Variants in DAAM2 observed in about 807,000 individuals in gnomAD.
DAAM2 encodes disheveled-associated activator of morphogenesis 2.
Under a neutral mutation model 120.7 loss-of-function variants are expected in DAAM2, and 39 were observed. That is an observed-to-expected ratio of 0.32 (90% CI 0.25 to 0.42). The LOEUF is 0.42. Among genes scored for constraint, DAAM2 ranks in the 10% least tolerant of loss-of-function variants. The pLI is 1.00. For synonymous variants in DAAM2, 488 were observed against 524.9 expected, an observed-to-expected ratio of 0.93 and a Z score of 0.96; for missense variants, 1,283 against 1,401.7, an observed-to-expected ratio of 0.92 and a Z score of 1.35.
intron 1 of DAAM2, among the ~76,000 whole-genome samples, chr6:39,851,802 G>C (rs1181713581): frequency 6.6e-6 from 1 of 152,166 alleles, no homozygotes; most frequent in Non-Finnish European, 1.5e-5. Flanking sequence ...GTCCTTGGAG[G>C]TCTTTAGTCA....
intron 16 of DAAM2, 87 bp from the exon 17 acceptor site, chr6:39,888,592 G>T (rs1582744769): frequency 2.7e-6 from 3 of 1,112,278 alleles, no homozygotes; most frequent in East Asian, 4.8e-5. Flanking sequence ...CCCAAGTCCT[G>T]TTAGGGAATG....
chr6:39,889,059 G>C (rs1765539731), intron 17 of DAAM2: 2 of 222,320 alleles, frequency 9.0e-6, no homozygotes, highest in Non-Finnish European at 1.8e-5. Flanking sequence ...GGGAAACCTA[G>C]AAAACACACA....
At chr6:39,887,899 C>T (rs900059655) in intron 16 of DAAM2, 16 of 335,580 alleles carry the variant, frequency 4.8e-5, no homozygotes, top group Non-Finnish European at 7.4e-5. Flanking sequence ...AAGCATTTCC[C>T]GCGGCTGCAG....
Position 39,901,476 on chromosome 6 carries a change from AG to A in DAAM2, c.2982+8del, listed in dbSNP as rs1401746939. The stretch of plus-strand genomic sequence containing the variant: ...GCGGGCGCGCATGGAAGCCATGGTG[AG>A]GGGCAGTGCCAGGCCTGGGACTGAG... On this transcript the variant is annotated splice_donor_5th_base_variant and intron_variant, in intron 24 of 24. Transcript: ENST00000274867. The surrounding 1 kb of genome is among the most constrained non-coding windows in gnomAD (Gnocchi z 4.5). 3.7e-6 allele frequency: 6 copies of A among 1,603,192 alleles called. No individual in the cohort carries two copies. In the African/African-American group the frequency reaches 5.4e-5, roughly 14 times the overall value.
intron 1 of DAAM2, among the ~76,000 whole-genome samples, chr6:39,809,153 T>C (rs1762093773): frequency 6.6e-6 from 1 of 152,164 alleles, no homozygotes; most frequent in Admixed American, 6.5e-5. Flanking sequence ...CAAGGAGTGG[T>C]GTCGTCAGAG....
chr6:39,853,020 G>C (rs146048184), intron 1 of DAAM2, among the ~76,000 whole-genome samples: 17 of 152,318 alleles, frequency 1.1e-4, no homozygotes, highest in African/African-American at 3.8e-4. Context: ...CTATGGCTAT[G>C]GGGGAGCTGA....
Position 39,873,411 on chromosome 6 carries a change from A to G in DAAM2, c.1162+56A>G, listed in dbSNP as rs997712105. ...ACTGGCCTGAACCTTGACTTGGGGC[A>G]GGTTTAGACAAGACTTTGGGACCTC... On this transcript the variant is annotated intron_variant, in intron 10 of 24. Coordinates refer to ENST00000274867, the MANE Select transcript of DAAM2 (RefSeq NM_001201427.2). 4 of 1,262,714 alleles carry G rather than the reference A, an allele frequency of 3.2e-6. No homozygotes were observed. The African/African-American group carries it at 4.4e-5, about 14-fold the overall frequency. The allele number at this position is 1,262,714 out of a possible 1,614,324, so 78.2% of individuals were successfully genotyped here. A position where few individuals can be genotyped will look rare whatever the true frequency, so the allele number is the denominator to read the frequency against.
chr6:39,863,247 T>A (rs899454984), intron 3 of DAAM2, among the ~76,000 whole-genome samples: 13 of 152,116 alleles, frequency 8.5e-5, no homozygotes, highest in Admixed American at 8.5e-4. Flanking sequence ...TAGGAAAGGA[T>A]GTGTTTGCCG....
Position 39,888,672 on chromosome 6 carries a change from G to A in DAAM2, c.2061-7G>A. On this transcript the variant is annotated splice_region_variant and splice_polypyrimidine_tract_variant and intron_variant, in intron 16 of 24. Coordinates refer to ENST00000274867, the MANE Select transcript of DAAM2 (RefSeq NM_001201427.2). ...CTGTCCTGGATTGAGGTGGGGTTTT[G>A]CCTTAGGTTGAAGCTTTCTAACGAG... is the stretch of plus-strand genomic sequence containing the variant. 1 of 1,612,956 alleles carries A rather than the reference G, an allele frequency of 6.2e-7. No homozygotes were observed.
Position 39,817,279 on chromosome 6 carries a change from G to A in DAAM2, c.-57+24814G>A, listed in dbSNP as rs778143830. ...TGGGTTTCTCTCCTTGCCCCCTAAT[G>A]TCTTAAATCTAAGATAAACAATGAG... is the stretch of plus-strand genomic sequence containing the variant. On this transcript the variant is annotated intron_variant, in intron 1 of 24. Transcript: ENST00000274867. Among the ~76,000 whole-genome samples the A allele has an allele frequency of 1.1e-3, 168 of 152,182 alleles. 1 individual carries two copies. The highest frequency in any genetic ancestry group is 3.1e-4 in the Non-Finnish European group (21 of 68,036).
At chr6:39,832,135 G>C (rs1011515546) in intron 1 of DAAM2, among the ~76,000 whole-genome samples, 1 of 151,896 alleles carries the variant, frequency 6.6e-6, no homozygotes, top group African/African-American at 2.4e-5. Flanking sequence ...AGGTGCACTG[G>C]TGCTCACTCC....
chr6:39,842,644 A>C (rs1763392632), intron 1 of DAAM2, among the ~76,000 whole-genome samples: 1 of 152,188 alleles, frequency 6.6e-6, no homozygotes, highest in Non-Finnish European at 1.5e-5. Context: ...AAATAAATAA[A>C]TAAATAAAAA....
At chr6:39,811,453 C>T (rs1762159432) in intron 1 of DAAM2, among the ~76,000 whole-genome samples, 1 of 152,102 alleles carries the variant, frequency 6.6e-6, no homozygotes, top group South Asian at 2.1e-4. Context: ...GCCTGTTCTC[C>T]TTCAGGCAGG....
At chr6:39,807,700 A>G (rs1386630700) in intron 1 of DAAM2, among the ~76,000 whole-genome samples, 1 of 152,146 alleles carries the variant, frequency 6.6e-6, no homozygotes, top group African/African-American at 2.4e-5. Context: ...TATTTTTGCT[A>G]GAGATGGGGT....
chr6:39,800,593 A>T (rs1290663541), intron 1 of DAAM2, among the ~76,000 whole-genome samples: 1 of 152,184 alleles, frequency 6.6e-6, no homozygotes. Flanking sequence ...CTGAGTCCCC[A>T]GCTGCAGGGA....
rs933121304 is a variant in DAAM2 at position 39,792,427 on chromosome 6, C to T, written c.-95C>T. 15 of 152,290 alleles carry T rather than the reference C, an allele frequency of 9.8e-5. No individual in the cohort carries two copies. The highest frequency in any genetic ancestry group is 1.4e-4 in the African/African-American group (6 of 41,556). 9.4% of individuals were successfully genotyped at this position (152,290 alleles called of 1,614,324 possible). A position where few individuals can be genotyped will look rare whatever the true frequency, so the allele number is the denominator to read the frequency against. Reference sequence around the variant, plus strand: ...CGGAGCGCGGGCGGCGGCGCCGTACCTCGGGCTGCGGGAGCGCGGGCGCCC... The same window carrying T: ...CGGAGCGCGGGCGGCGGCGCCGTACTTCGGGCTGCGGGAGCGCGGGCGCCC... On this transcript the variant is annotated 5_prime_UTR_variant, in exon 1 of 25. Coordinates refer to ENST00000274867, the MANE Select transcript of DAAM2 (RefSeq NM_001201427.2).
chr6:39,839,536 T>A (rs1164573177), intron 1 of DAAM2, among the ~76,000 whole-genome samples: 1 of 152,250 alleles, frequency 6.6e-6, no homozygotes, highest in Non-Finnish European at 1.5e-5. Context: ...AGAACCAGGC[T>A]TAGGACCTGA....
Position 39,812,503 on chromosome 6 carries a change from C to T in DAAM2, c.-57+20038C>T, listed in dbSNP as rs530551827. Among the ~76,000 whole-genome samples, 10 of 152,268 alleles carry T rather than the reference C, an allele frequency of 6.6e-5. No homozygotes were observed. The East Asian group carries it at 9.6e-4, about 15-fold the overall frequency. On this transcript the variant is annotated intron_variant, in intron 1 of 24. Transcript: ENST00000274867. ...TCTGTACCGTACCCCAATCATTTCA[C>T]TTCATGATGAACTTGACAATCGACT... is the stretch of plus-strand genomic sequence containing the variant.
intron 1 of DAAM2, among the ~76,000 whole-genome samples, chr6:39,852,729 G>A (rs990216307): frequency 6.6e-6 from 1 of 152,238 alleles, no homozygotes; most frequent in Non-Finnish European, 1.5e-5. Context: ...GGCTTCAGAG[G>A]TGAAGAGTAC....
Sources: gnomAD v4.1 joint callset for allele counts (sites outside exome capture counted in the v4.1 genomes callset) on GRCh38, gnomAD v4.1.1 for gene constraint, Gnocchi (gnomAD v3.1) non-coding constraint, MANE v1.5 for transcripts, NCBI Gene and HGNC (gene_info 2026-07-23, HGNC 2026-07-21) for gene names.